FAXC: variants seen among roughly 807,000 people sequenced by gnomAD.
FAXC encodes failed axon connections homolog.
Under a neutral mutation model 41.9 loss-of-function variants are expected in FAXC, and 10 were observed. The observed-to-expected ratio is 0.24, with a 90% confidence interval of 0.15 to 0.41. FAXC has a LOEUF of 0.41. FAXC is among the 10% of genes least tolerant of loss of function. The pLI is 1.00. For synonymous variants in FAXC, 183 were observed against 183.8 expected, an observed-to-expected ratio of 1.00 and a Z score of 0.03; for missense variants, 399 against 510.9, an observed-to-expected ratio of 0.78 and a Z score of 2.11.
Position 99,333,343 on chromosome 6 carries a change from G to C in FAXC, c.599+8C>G. On this transcript the variant is annotated splice_region_variant and intron_variant, in intron 3 of 5. Transcript: ENST00000389677. Reference sequence around the variant, plus strand: ...CGAAAGGACGGGGACACCCCAGAGGGGACTCACCAGTAGAAGTGCTCCTCC... The same window carrying C: ...CGAAAGGACGGGGACACCCCAGAGGCGACTCACCAGTAGAAGTGCTCCTCC... The C allele has an allele frequency of 6.2e-7, 1 of 1,604,044 alleles. No homozygotes were observed. Among genetic ancestry groups the C allele is most frequent in the Non-Finnish European group, 8.5e-7 (1 of 1,176,284 alleles).
At chr6:99,321,624 C>A (rs185759652) in intron 4 of FAXC, among the ~76,000 whole-genome samples, 1 of 152,324 alleles carries the variant, frequency 6.6e-6, no homozygotes, top group East Asian at 1.9e-4. Context: ...CCCAGAAAAT[C>A]CAGACTTTTA....
At chr6:99,318,431 A>ATTGCTTCTTGTTG (rs1423778918) in intron 4 of FAXC, among the ~76,000 whole-genome samples, 4 of 152,224 alleles carry the variant, frequency 2.6e-5, no homozygotes, top group African/African-American at 9.7e-5. Context: ...GGGTTAGAAG[A>ATTGCTTCTTGTTG]TTACAGCAAC....
chr6:99,321,866 G>A (rs574432156), intron 4 of FAXC, among the ~76,000 whole-genome samples: 5 of 152,350 alleles, frequency 3.3e-5, no homozygotes, highest in African/African-American at 1.2e-4. Flanking sequence ...TGTTAAAGAT[G>A]TGTGGTGCTT....
intron 4 of FAXC, among the ~76,000 whole-genome samples, chr6:99,304,372 G>A (rs941670833): frequency 1.3e-5 from 2 of 151,700 alleles, no homozygotes; most frequent in African/African-American, 4.8e-5. Flanking sequence ...ATCCATGGAA[G>A]AATCTTCTCC....
Position 99,279,825 on chromosome 6 carries a change from C to T in FAXC, c.*1339G>A, listed in dbSNP as rs1253152837. 1 of 152,172 alleles carries T rather than the reference C, an allele frequency of 6.6e-6. No homozygotes were observed. Among genetic ancestry groups the T allele is most frequent in the Non-Finnish European group, 1.5e-5 (1 of 68,050 alleles). The allele number at this position is 152,172 out of a possible 1,614,324, so 9.4% of individuals were successfully genotyped here. The stretch of plus-strand genomic sequence containing the variant: ...TAAGACTTGTTCTCAGCATTGCTCT[C>T]CTCTCACTGGGCAGTGGCTGAAAAC... On this transcript the variant is annotated 3_prime_UTR_variant, in exon 6 of 6. Transcript: ENST00000389677.
chr6:99,339,891 G>A (rs1338080962), intron 2 of FAXC, among the ~76,000 whole-genome samples: 2 of 151,880 alleles, frequency 1.3e-5, no homozygotes, highest in Non-Finnish European at 2.9e-5. Flanking sequence ...AAACATAAAA[G>A]AAAAGGAAAT....
chr6:99,346,493 T>C (rs1773597077), intron 1 of FAXC, among the ~76,000 whole-genome samples: 1 of 152,036 alleles, frequency 6.6e-6, no homozygotes, highest in Non-Finnish European at 1.5e-5. Context: ...TTCAAGCGAT[T>C]CTCCTGCCTC....
At chr6:99,305,487 C>T (rs1387384505) in intron 4 of FAXC, among the ~76,000 whole-genome samples, 1 of 152,120 alleles carries the variant, frequency 6.6e-6, no homozygotes, top group Non-Finnish European at 1.5e-5. Flanking sequence ...TAATTCACTA[C>T]AATGTACCTC....
In FAXC at chr6:99,273,229, C is replaced by A. The variant is rs1770476866; in HGVS notation, c.*7935G>T. The A allele has an allele frequency of 6.6e-6, 1 of 151,956 alleles. No homozygotes were observed. The highest frequency in any genetic ancestry group is 2.4e-5 in the African/African-American group (1 of 41,342). The allele number at this position is 151,956 out of a possible 1,614,324, so 9.4% of individuals were successfully genotyped here. On this transcript the variant is annotated 3_prime_UTR_variant, in exon 6 of 6. Coordinates refer to ENST00000389677, the MANE Select transcript of FAXC (RefSeq NM_032511.4). ...TCCAGGTGGTGTCCGCCCATTAGCC[C>A]CGAAATGTGGGTTCAAATTATGCCA...
In FAXC at chr6:99,278,440, CAAA is replaced by C. The variant is rs879153848; in HGVS notation, c.*2721_*2723del. The C allele has an allele frequency of 6.6e-6, 1 of 152,252 alleles. No individual in the cohort carries two copies. Among genetic ancestry groups the C allele is most frequent in the South Asian group, 2.1e-4 (1 of 4,818 alleles). 9.4% of individuals were successfully genotyped at this position (152,252 alleles called of 1,614,324 possible). On this transcript the variant is annotated 3_prime_UTR_variant, in exon 6 of 6. Transcript: ENST00000389677. ...TCACATACTTCAAGTTACCTTCCAG[CAAA>C]AAGGAAACACAGAACTTGAACAAGA...
chr6:99,323,801 A>G, intron 3 of FAXC, 134 bp from the exon 4 acceptor site: 4 of 665,470 alleles, frequency 6.0e-6, no homozygotes, highest in Non-Finnish European at 1.0e-5. Context: ...ATAAAGAGCA[A>G]TCTGCATGGC....
chr6:99,300,619 C>T (rs866554481), intron 4 of FAXC, among the ~76,000 whole-genome samples: 2 of 152,124 alleles, frequency 1.3e-5, no homozygotes, highest in Non-Finnish European at 2.9e-5. Context: ...AGTCTCTCTC[C>T]CCAGTATCAC....
chr6:99,296,353 G>A (rs1490372493), intron 4 of FAXC, among the ~76,000 whole-genome samples: 2 of 152,014 alleles, frequency 1.3e-5, no homozygotes, highest in African/African-American at 4.8e-5. Context: ...GGGTGGTGAG[G>A]CACTGTGAGC....
In FAXC at chr6:99,281,471, A is replaced by C; in HGVS notation, c.941-18T>G. 6.3e-7 allele frequency: 1 copy of C among 1,588,046 alleles called. No individual in the cohort carries two copies. On this transcript the variant is annotated intron_variant, in intron 5 of 5. Transcript: ENST00000389677. ...CAGCTCACCTGCAGTGTGGTAAGGA[A>C]AGCAAGGATTAGTTCTCAAAGGCAG...
rs952624444 is a variant in FAXC at position 99,345,635 on chromosome 6, C to T, written c.267-2602G>A. 3.3e-5 allele frequency among the ~76,000 whole-genome samples: 5 copies of T among 152,190 alleles called. No homozygotes were observed. In the South Asian group the frequency reaches 6.2e-4, roughly 19 times the overall value. On this transcript the variant is annotated intron_variant, in intron 1 of 5. Transcript: ENST00000389677. ...AGTTTACTACTATTCCCGGGGCTAACGATACCACAGATGAACATGCCTCTG... is the reference window on the plus strand; with the variant it reads ...AGTTTACTACTATTCCCGGGGCTAATGATACCACAGATGAACATGCCTCTG...
chr6:99,319,398 CAAAAAAAAAA>C (rs57370118), intron 4 of FAXC, among the ~76,000 whole-genome samples: 1 of 47,648 alleles, frequency 2.1e-5, no homozygotes, highest in African/African-American at 6.4e-5. Context: ...GACTCCGTCT[CAAAAAAAAAA>C]AAAAAAAAAA....
chr6:99,298,395 T>C (rs1214914347), intron 4 of FAXC, among the ~76,000 whole-genome samples: 1 of 152,016 alleles, frequency 6.6e-6, no homozygotes, highest in Admixed American at 6.6e-5. Flanking sequence ...AAACACTAAC[T>C]CAAGTCCCTG....
At chr6:99,304,924 G>A (rs1031663880) in intron 4 of FAXC, among the ~76,000 whole-genome samples, 1 of 152,198 alleles carries the variant, frequency 6.6e-6, no homozygotes. Flanking sequence ...GGGGAGGTTA[G>A]GAAGAACCTT....
intron 3 of FAXC, among the ~76,000 whole-genome samples, chr6:99,325,536 A>C (rs1772766396): frequency 1.3e-5 from 2 of 152,248 alleles, no homozygotes; most frequent in Admixed American, 1.3e-4. Context: ...ATTAATGTGT[A>C]TAGTCGGAGC....
Sources: allele counts gnomAD v4.1 joint callset (sites outside exome capture counted in the v4.1 genomes callset), GRCh38; gene constraint gnomAD v4.1.1; transcripts MANE v1.5; gene names NCBI Gene and HGNC (gene_info 2026-07-23, HGNC 2026-07-21).